PRTG: variants seen among roughly 807,000 people sequenced by gnomAD.
The protein encoded by PRTG is protogenin, also known as immunoglobulin superfamily, DCC subclass, member 5.
Under a neutral mutation model 122.5 loss-of-function variants are expected in PRTG, and 67 were observed. The ratio of observed to expected loss-of-function variants is 0.55; its 90% confidence interval spans 0.45 to 0.67. PRTG has a LOEUF of 0.67. Ranked by LOEUF, PRTG falls within the 30% of genes least tolerant of loss-of-function variation. PRTG has a pLI of 0.00. For synonymous variants in PRTG, 554 were observed against 501.1 expected, an observed-to-expected ratio of 1.11 and a Z score of -1.41; for missense variants, 1,435 against 1,415.4, an observed-to-expected ratio of 1.01 and a Z score of -0.22.
chr15:55,647,340 A>C (rs1042962891), intron 11 of PRTG, among the ~76,000 whole-genome samples: 3 of 152,198 alleles, frequency 2.0e-5, no homozygotes, highest in African/African-American at 7.2e-5. Context: ...GTTCACAGGT[A>C]TCAATAAACA....
Position 55,677,800 on chromosome 15 carries a change from C to G in PRTG, c.1378G>C (p.Glu460Gln). The G allele has an allele frequency of 6.2e-7, 1 of 1,613,090 alleles. No individual in the cohort carries two copies. The highest frequency in any genetic ancestry group is 8.5e-7 in the Non-Finnish European group (1 of 1,179,288). The change falls in exon 8 of 20, where the codon GAA (glutamate) becomes CAA (glutamine). Residue 460 changes from glutamate to glutamine, a missense_variant. Transcript: ENST00000389286. ...IAYSVHYMKA[E>Q]GLNNEEYQVV... ...AAGCACTCCTAAAATCGCTTACCTT[C>G]TGCTTTCATGTAGTGTACAGAATAG...
intron 10 of PRTG, 140 bp downstream of exon 10, chr15:55,673,231 T>C (rs1595637898): frequency 1.4e-6 from 1 of 691,904 alleles, no homozygotes; most frequent in African/African-American, 1.8e-5. Context: ...AAAAGTTTAA[T>C]TTTTTTCAAT....
intron 11 of PRTG, among the ~76,000 whole-genome samples, chr15:55,642,172 C>T (rs1432344783): frequency 4.5e-5 from 5 of 111,876 alleles, no homozygotes; most frequent in South Asian, 5.5e-4. Context: ...CAGAGCGAGA[C>T]TCCGTCTCAA....
chr15:55,612,737 T>TATATATATACATATATAC lies in PRTG; in HGVS notation c.*7274_*7275insGTATATATGTATATATAT, dbSNP rs2059126324. ...ATATATATATATATATATATATATA[T>TATATATATACATATATAC]ATATATATATATGACTTAAATTGGA... On this transcript the variant is annotated 3_prime_UTR_variant, in exon 20 of 20. Transcript: ENST00000389286. 1 of 54,314 alleles carries TATATATATACATATATAC rather than the reference T, an allele frequency of 1.8e-5. No individual in the cohort carries two copies. The highest frequency in any genetic ancestry group is 4.6e-5 in the African/African-American group (1 of 21,652). The allele number at this position is 54,314 out of a possible 1,614,324, so 3.4% of individuals were successfully genotyped here.
chr15:55,671,671 G>A (rs138515662), intron 11 of PRTG, among the ~76,000 whole-genome samples: 1 of 152,080 alleles, frequency 6.6e-6, no homozygotes, highest in African/African-American at 2.4e-5. Flanking sequence ...GCTAATTTTT[G>A]TATTTTTTTA....
rs1355816776 is a variant in PRTG at position 55,680,193 on chromosome 15, G to A, written c.834C>T (p.Val278=). 6.2e-7 allele frequency: 1 copy of A among 1,609,518 alleles called. No homozygotes were observed. The highest frequency in any genetic ancestry group is 1.3e-5 in the African/African-American group (1 of 74,798). ...CATTTCCAAGTACCCGAGTATTAAA[G>A]ACATCAATGGATTTGTGATCTATTT... The part of the protein sequence containing the change: ...WSRLDHKSID[V]FNTRVLGNGN... Residue 278 remains valine, a synonymous_variant, in exon 6 of 20, where the codon GTC becomes GTT. Coordinates refer to ENST00000389286, the MANE Select transcript of PRTG (RefSeq NM_173814.6).
At chr15:55,680,838 T>C (rs923720173) in intron 4 of PRTG, among the ~76,000 whole-genome samples, 6 of 152,090 alleles carry the variant, frequency 3.9e-5, no homozygotes, top group Non-Finnish European at 5.9e-5. Flanking sequence ...TTACCACAAT[T>C]AATTTTAGAA....
At chr15:55,714,205 G>GTCTCTCTCTCTCTCTCTCTCTC (rs3049129) in intron 2 of PRTG, among the ~76,000 whole-genome samples, 6 of 142,778 alleles carry the variant, frequency 4.2e-5, no homozygotes, top group East Asian at 2.1e-4. Context: ...CTATTTATCT[G>GTCTCTCTCTCTCTCTCTCTCTC]TCTCTCTCTC....
chr15:55,661,926 T>A (rs1298997169), intron 11 of PRTG, among the ~76,000 whole-genome samples: 1 of 151,834 alleles, frequency 6.6e-6, no homozygotes, highest in Non-Finnish European at 1.5e-5. Context: ...TAGCTGTGTA[T>A]CATTTTGTTC....
chr15:55,707,237 A>G (rs926873591), intron 2 of PRTG, among the ~76,000 whole-genome samples: 2 of 152,192 alleles, frequency 1.3e-5, no homozygotes, highest in Non-Finnish European at 2.9e-5. Context: ...GCCTATACAA[A>G]GGCTCCTAAG....
intron 12 of PRTG, chr15:55,640,064 T>A: frequency 1.7e-6 from 1 of 600,416 alleles, no homozygotes; most frequent in Non-Finnish European, 2.1e-6. Context: ...TTCTAAGAAA[T>A]GTGTTAGGTT....
At position 55,680,136 on chromosome 15, in the gene PRTG, T is replaced by G; in HGVS notation, c.891A>C (p.Gln297His). 3.1e-6 allele frequency: 5 copies of G among 1,613,200 alleles called. No individual in the cohort carries two copies. The highest frequency in any genetic ancestry group is 4.2e-6 in the Non-Finnish European group (5 of 1,179,230). The part of the protein sequence containing the change: ...GNLMISDVRL[Q>H]HAGVYVCRAT... ...CCCGACAAACATATACTCCAGCATGTTGTAGCCTGACATCAGATATCATGA... is the reference window on the plus strand; with the variant it reads ...CCCGACAAACATATACTCCAGCATGGTGTAGCCTGACATCAGATATCATGA... The change falls in exon 6 of 20, where the codon CAA becomes CAC. Residue 297 changes from glutamine to histidine, a missense_variant. By Grantham distance (24) the Gln-to-His change is conservative. Coordinates refer to ENST00000389286, the MANE Select transcript of PRTG (RefSeq NM_173814.6).
At chr15:55,674,892 G>C (rs759144891) in intron 9 of PRTG, among the ~76,000 whole-genome samples, 1 of 151,992 alleles carries the variant, frequency 6.6e-6, no homozygotes, top group African/African-American at 2.4e-5. Flanking sequence ...TTACAATATG[G>C]TATGAAGACT....
At chr15:55,647,187 G>A (rs951271286) in intron 11 of PRTG, among the ~76,000 whole-genome samples, 2 of 152,110 alleles carry the variant, frequency 1.3e-5, no homozygotes, top group Admixed American at 6.5e-5. Context: ...AGCTGAGGCA[G>A]AAGAATCGCT....
intron 2 of PRTG, among the ~76,000 whole-genome samples, chr15:55,707,472 G>C (rs184625378): frequency 1.4e-4 from 22 of 152,292 alleles, no homozygotes; most frequent in African/African-American, 4.6e-4. Context: ...GGCTATATTA[G>C]CTGCACACAA....
chr15:55,706,514 G>A (rs1284657416), intron 2 of PRTG, among the ~76,000 whole-genome samples: 1 of 149,588 alleles, frequency 6.7e-6, no homozygotes, highest in Non-Finnish European at 1.5e-5. Flanking sequence ...GGAGGCAGAG[G>A]TGGGAGTATC....
chr15:55,659,927 A>AAAAAAAAACAAAAC (rs148544620), intron 11 of PRTG, among the ~76,000 whole-genome samples: 2 of 150,068 alleles, frequency 1.3e-5, no homozygotes, highest in East Asian at 3.9e-4. Context: ...AAAAAGTCTC[A>AAAAAAAAACAAAAC]AAAACAAAAC....
intron 11 of PRTG, among the ~76,000 whole-genome samples, chr15:55,664,568 T>A (rs1298710226): frequency 2.0e-5 from 3 of 152,330 alleles, no homozygotes; most frequent in East Asian, 1.9e-4. Flanking sequence ...AAAGTTCTAA[T>A]CTAAATTTAG....
intron 11 of PRTG, 43 bp downstream of exon 11, chr15:55,672,402 G>C (rs775074807): frequency 7.3e-6 from 11 of 1,501,390 alleles, no homozygotes; most frequent in Non-Finnish European, 1.0e-5. Context: ...CAGTTTGTCA[G>C]AGAGGAAGGA....
Sources: allele counts gnomAD v4.1 joint callset (sites outside exome capture counted in the v4.1 genomes callset), GRCh38; gene constraint gnomAD v4.1.1; transcripts MANE v1.5; gene names NCBI Gene and HGNC (gene_info 2026-07-23, HGNC 2026-07-21).